Variants in SV2C observed in about 807,000 individuals in gnomAD.
SV2C encodes the protein synaptic vesicle glycoprotein 2C.
A neutral mutation model predicts 79.7 loss-of-function variants in SV2C; 49 were observed. That is an observed-to-expected ratio of 0.61 (90% CI 0.49 to 0.78). The LOEUF is 0.78. Ranked by LOEUF, SV2C falls within the 30% of genes least tolerant of loss-of-function variation. The pLI is 0.00. For missense variants in SV2C, 833 were observed against 912.9 expected (o/e 0.91, Z 1.13); for synonymous variants, 334 against 333.2 (o/e 1.00, Z -0.03).
At chr5:76,077,374 C>A in the SV2C span, among the ~76,000 whole-genome samples, 1 of 152,050 alleles carries the variant, frequency 6.6e-6, no homozygotes, top group Non-Finnish European at 1.5e-5. Flanking sequence ...AAGGATGAAC[C>A]AATAGATAAA....
chr5:76,290,360 G>A lies in SV2C; in HGVS notation c.1138-861G>A, dbSNP rs115851336. On this transcript the variant is annotated intron_variant, in intron 6 of 12. Transcript: ENST00000502798. ...TTACCCCTTTAAATGTTGGCAGGAT[G>A]TCCGGAAAAACCTGTTCAAACCTCT... is the stretch of plus-strand genomic sequence containing the variant. 7.2e-3 allele frequency among the ~76,000 whole-genome samples: 1,092 copies of A among 152,306 alleles called. 8 individuals carry two copies. Among genetic ancestry groups the A allele is most frequent in the African/African-American group, 0.021 (885 of 41,558 alleles).
At chr5:75,967,688 T>G in the SV2C span, among the ~76,000 whole-genome samples, 13 of 152,324 alleles carry the variant, frequency 8.5e-5, no homozygotes, top group East Asian at 2.5e-3. Context: ...TCGAACTGGG[T>G]GGACCCCACC....
Position 76,299,395 on chromosome 5 carries a change from C to A in SV2C, c.1636+468C>A, listed in dbSNP as rs573476799. On this transcript the variant is annotated intron_variant, in intron 10 of 12. Transcript: ENST00000502798. ...GGAAGGCAAACAAGCATTGATTGAACACCTATATACTGTTTTCTACTCTAG... is the reference window on the plus strand; with the variant it reads ...GGAAGGCAAACAAGCATTGATTGAAAACCTATATACTGTTTTCTACTCTAG... Among the ~76,000 whole-genome samples, 273 of 152,336 alleles carry A rather than the reference C, an allele frequency of 1.8e-3. 1 individual carries two copies. The highest frequency in any genetic ancestry group is 6.1e-3 in the African/African-American group (253 of 41,572).
chr5:76,131,356 G>A (rs1036694903), intron 1 of SV2C, among the ~76,000 whole-genome samples: 6 of 152,112 alleles, frequency 3.9e-5, no homozygotes, highest in African/African-American at 1.2e-4. Context: ...AAGATGCTCT[G>A]TTTTATTCTC....
At chr5:75,869,429 A>G in the SV2C span, among the ~76,000 whole-genome samples, 1 of 152,186 alleles carries the variant, frequency 6.6e-6, no homozygotes, top group Non-Finnish European at 1.5e-5. Flanking sequence ...GCCTTTGGAA[A>G]GGGGAGAGAA....
the SV2C span, among the ~76,000 whole-genome samples, chr5:76,073,764 G>A: frequency 3.3e-5 from 5 of 151,810 alleles, no homozygotes; most frequent in South Asian, 2.1e-4. Context: ...GTGGAAGGGC[G>A]GTGAGAGATA....
intron 12 of SV2C, among the ~76,000 whole-genome samples, chr5:76,312,775 C>T (rs886931826): frequency 6.6e-6 from 1 of 152,220 alleles, no homozygotes; most frequent in Non-Finnish European, 1.5e-5. Context: ...TGCACAGTTT[C>T]AGACATGAGG....
At chr5:76,150,479 G>A (rs1389534319) in intron 2 of SV2C, among the ~76,000 whole-genome samples, 2 of 151,900 alleles carry the variant, frequency 1.3e-5, no homozygotes, top group East Asian at 1.9e-4. Context: ...CCCAGCCTCT[G>A]TTTATTTTTC....
the SV2C span, among the ~76,000 whole-genome samples, chr5:75,940,927 T>C: frequency 6.6e-6 from 1 of 152,218 alleles, no homozygotes; most frequent in African/African-American, 2.4e-5. Flanking sequence ...TAAAGCTCTT[T>C]ATAAGGTTAT....
the SV2C span, among the ~76,000 whole-genome samples, chr5:76,044,238 T>C: frequency 4.6e-5 from 7 of 152,252 alleles, no homozygotes; most frequent in Non-Finnish European, 8.8e-5. Flanking sequence ...AAGGACATTA[T>C]ATCATTACTT....
chr5:75,850,560 T>G, the SV2C span, among the ~76,000 whole-genome samples: 2 of 152,094 alleles, frequency 1.3e-5, no homozygotes, highest in African/African-American at 2.4e-5. Flanking sequence ...AGGTAGTGAC[T>G]ATCTAGGTTG....
Position 76,209,938 on chromosome 5 carries a change from G to T in SV2C, c.913+51G>T, listed in dbSNP as rs186312633. 5.7e-4 allele frequency: 886 copies of T among 1,551,722 alleles called. 4 individuals are homozygous for T. In the African/African-American group the frequency reaches 9.8e-3, roughly 17 times the overall value. The stretch of plus-strand genomic sequence containing the variant: ...GGGCAGTCACTTCATTTTGCTTCAG[G>T]CTCCATTCCCATCTTCTTCCTCTCT... On this transcript the variant is annotated intron_variant, in intron 4 of 12. Coordinates refer to ENST00000502798, the MANE Select transcript of SV2C (RefSeq NM_014979.4).
At chr5:76,269,886 C>A (rs1746786416) in intron 4 of SV2C, among the ~76,000 whole-genome samples, 1 of 152,194 alleles carries the variant, frequency 6.6e-6, no homozygotes, top group Admixed American at 6.5e-5. Flanking sequence ...TTTCCAGCAG[C>A]ATAGCCCTAG....
chr5:75,880,527 G>C, the SV2C span, among the ~76,000 whole-genome samples: 1 of 152,128 alleles, frequency 6.6e-6, no homozygotes, highest in Admixed American at 6.6e-5. Flanking sequence ...ACACAATGCA[G>C]CCAAGTTCTT....
At chr5:75,957,079 T>C in the SV2C span, among the ~76,000 whole-genome samples, 358 of 152,032 alleles carry the variant, frequency 2.4e-3, 3 homozygotes, top group African/African-American at 8.3e-3. Context: ...GAGTACATAA[T>C]CAAGAAAGAT....
chr5:76,279,327 C>T, intron 4 of SV2C, among the ~76,000 whole-genome samples: 1 of 152,142 alleles, frequency 6.6e-6, no homozygotes, highest in East Asian at 1.9e-4. Context: ...GTGGCACTTA[C>T]AGTCTTGGAG....
Position 76,183,248 on chromosome 5 carries a change from C to G in SV2C, c.581-11671C>G, listed in dbSNP as rs1292697590. ...CCATGTTGGCCAGGCTGGTCTCAAA[C>G]TCCTGACCTCAGGTGGTCTGCCCGC... is the stretch of plus-strand genomic sequence containing the variant. On this transcript the variant is annotated intron_variant, in intron 2 of 12. Coordinates refer to ENST00000502798, the MANE Select transcript of SV2C (RefSeq NM_014979.4). Among the ~76,000 whole-genome samples the G allele has an allele frequency of 2.0e-5, 3 of 151,848 alleles. No individual in the cohort carries two copies. In the South Asian group the frequency reaches 6.3e-4, roughly 32 times the overall value.
At chr5:76,048,965 G>GAA in the SV2C span, among the ~76,000 whole-genome samples, 736 of 58,184 alleles carry the variant, frequency 0.013, 26 homozygotes, top group African/African-American at 0.014. Flanking sequence ...GAAAGAAAAA[G>GAA]AGAAAGAAAG....
chr5:76,130,140 G>T (rs1480493656), intron 1 of SV2C, among the ~76,000 whole-genome samples: 9 of 67,106 alleles, frequency 1.3e-4, no homozygotes, highest in Admixed American at 2.6e-4. Context: ...CTTCCTCTCA[G>T]TTCTTAAAAA....
Sources: allele counts gnomAD v4.1 joint callset (sites outside exome capture counted in the v4.1 genomes callset), GRCh38; gene constraint gnomAD v4.1.1; transcripts MANE v1.5; gene names NCBI Gene and HGNC (gene_info 2026-07-23, HGNC 2026-07-21).